MB21D2: variants seen among roughly 807,000 people sequenced by gnomAD.
The protein encoded by MB21D2 is Mab-21 domain containing 2.
In MB21D2, 9 loss-of-function variants were observed where a neutral mutation model predicts 33.3. The ratio of observed to expected loss-of-function variants is 0.27; its 90% CI spans 0.16 to 0.47. MB21D2 has a LOEUF of 0.47. Among genes scored for constraint, MB21D2 ranks in the 20% least tolerant of loss-of-function variants. MB21D2 has a pLI of 0.99. For synonymous variants in MB21D2, 241 were observed against 236.3 expected (o/e 1.02, Z -0.18); for missense variants, 540 against 624.6 (o/e 0.86, Z 1.44).
chr3:192,903,649 C>T (rs1714147793), intron 1 of MB21D2, among the ~76,000 whole-genome samples: 1 of 152,158 alleles, frequency 6.6e-6, no homozygotes, highest in African/African-American at 2.4e-5. Flanking sequence ...TGGATATTTG[C>T]TCTCCCAACA....
chr3:192,874,877 A>G (rs967679474), intron 1 of MB21D2, among the ~76,000 whole-genome samples: 1 of 152,154 alleles, frequency 6.6e-6, no homozygotes, highest in Non-Finnish European at 1.5e-5. Flanking sequence ...CCGTTCTACC[A>G]AATGATCCTC....
At chr3:192,916,687 A>G (rs1382346214) in intron 1 of MB21D2, among the ~76,000 whole-genome samples, 1 of 152,184 alleles carries the variant, frequency 6.6e-6, no homozygotes, top group East Asian at 1.9e-4. Flanking sequence ...ACGGCAGGAC[A>G]CCTGGGGAGG....
intron 1 of MB21D2, among the ~76,000 whole-genome samples, chr3:192,839,478 T>A (rs1412691609): frequency 6.6e-6 from 1 of 152,344 alleles, no homozygotes; most frequent in East Asian, 1.9e-4. Flanking sequence ...GCAACTCATC[T>A]TGAAGACTTA....
chr3:192,906,170 G>A (rs1252282366), intron 1 of MB21D2, among the ~76,000 whole-genome samples: 1 of 152,120 alleles, frequency 6.6e-6, no homozygotes, highest in African/African-American at 2.4e-5. Flanking sequence ...ACTGTTTCTG[G>A]CCTAGGACTA....
intron 1 of MB21D2, among the ~76,000 whole-genome samples, chr3:192,872,055 C>T (rs1409170247): frequency 6.6e-6 from 1 of 152,202 alleles, no homozygotes; most frequent in East Asian, 1.9e-4. Context: ...CCAAGTTTGT[C>T]TCTCATAAAA....
chr3:192,812,989 G>A (rs1028657994), intron 1 of MB21D2, among the ~76,000 whole-genome samples: 8 of 152,138 alleles, frequency 5.3e-5, no homozygotes, highest in South Asian at 4.1e-4. Context: ...GGGCTTGGAC[G>A]TCTTACAATC....
At chr3:192,888,086 A>G (rs1713773810) in intron 1 of MB21D2, among the ~76,000 whole-genome samples, 1 of 152,086 alleles carries the variant, frequency 6.6e-6, no homozygotes, top group African/African-American at 2.4e-5. Context: ...CGTTCTGGGA[A>G]AAAGTCTCCC....
chr3:192,822,055 G>A (rs1284504037), intron 1 of MB21D2, among the ~76,000 whole-genome samples: 1 of 152,212 alleles, frequency 6.6e-6, no homozygotes, highest in Middle Eastern at 3.4e-3. Context: ...GGAAATACGT[G>A]ATCTGATTCT....
At chr3:192,840,415 C>CTTTTTTTTTTTTTTTT (rs71177380) in intron 1 of MB21D2, among the ~76,000 whole-genome samples, 195 of 88,280 alleles carry the variant, frequency 2.2e-3, no homozygotes, top group Non-Finnish European at 2.9e-3. Context: ...TCTCTTTTTT[C>CTTTTTTTTTTTTTTTT]TTTTTTTTTT....
intron 1 of MB21D2, among the ~76,000 whole-genome samples, chr3:192,901,510 G>T (rs933507040): frequency 1.3e-5 from 2 of 150,996 alleles, no homozygotes; most frequent in Non-Finnish European, 2.9e-5. Flanking sequence ...CCATTCCTCT[G>T]CATCATGAGC....
intron 1 of MB21D2, among the ~76,000 whole-genome samples, chr3:192,862,915 C>G (rs1366525142): frequency 2.0e-5 from 3 of 152,128 alleles, no homozygotes; most frequent in Non-Finnish European, 4.4e-5. Context: ...AAAATGGTGC[C>G]CTGTTGCTGC....
At chr3:192,820,659 C>T (rs1166630288) in intron 1 of MB21D2, among the ~76,000 whole-genome samples, 3 of 152,270 alleles carry the variant, frequency 2.0e-5, no homozygotes, top group African/African-American at 7.2e-5. Flanking sequence ...CGGGCTCTCT[C>T]TGCAAAGGCC....
At chr3:192,858,146 CA>C (rs1315552968) in intron 1 of MB21D2, among the ~76,000 whole-genome samples, 6 of 151,964 alleles carry the variant, frequency 3.9e-5, no homozygotes, top group Non-Finnish European at 1.5e-5. Context: ...ACAAAACAAA[CA>C]AACAAAAAAG....
At chr3:192,892,324 C>T (rs1713868718) in intron 1 of MB21D2, among the ~76,000 whole-genome samples, 1 of 152,200 alleles carries the variant, frequency 6.6e-6, no homozygotes, top group Admixed American at 6.5e-5. Flanking sequence ...GACACTGGGT[C>T]TTTGAATTAA....
chr3:192,878,085 TTTTTTTTTTTTTTTTTGG>T lies in MB21D2; in HGVS notation c.211+39527_211+39544del, dbSNP rs1424052638. On this transcript the variant is annotated intron_variant, in intron 1 of 1. Transcript: ENST00000392452. ...CATCTTCAAACAATTCCTCCTCTTT[TTTTTTTTTTTTTTTTTGG>T]TTTTTTTTGTTTTTGAGACGGAGTC... 3.6e-5 allele frequency among the ~76,000 whole-genome samples: 5 copies of T among 137,180 alleles called. No homozygotes were observed. The East Asian group carries it at 1.1e-3, about 30-fold the overall frequency. 90.0% of individuals were successfully genotyped at this position (137,180 alleles called of 152,430 possible). A position where few individuals can be genotyped will look rare whatever the true frequency, so the allele number is the denominator to read the frequency against.
intron 1 of MB21D2, among the ~76,000 whole-genome samples, chr3:192,872,987 A>T (rs1191120077): frequency 7.3e-6 from 1 of 136,236 alleles, no homozygotes; most frequent in East Asian, 2.3e-4. Flanking sequence ...CACTAAACAT[A>T]AAATTCACAA....
chr3:192,899,577 G>A lies in MB21D2; in HGVS notation c.211+18053C>T, dbSNP rs561557184. ...TGGGATGCCCATAATGGGTTCAGGC[G>A]TACTTAAAGGATGACTCAGCATGGA... On this transcript the variant is annotated intron_variant, in intron 1 of 1. Transcript: ENST00000392452. Among the ~76,000 whole-genome samples the A allele has an allele frequency of 2.4e-4, 37 of 152,220 alleles. No homozygotes were observed. The South Asian group carries it at 3.9e-3, about 16-fold the overall frequency.
At chr3:192,872,403 C>T (rs912151036) in intron 1 of MB21D2, among the ~76,000 whole-genome samples, 3 of 151,884 alleles carry the variant, frequency 2.0e-5, no homozygotes, top group African/African-American at 4.8e-5. Flanking sequence ...GGTGAAAACC[C>T]GTCTCTACTA....
intron 1 of MB21D2, among the ~76,000 whole-genome samples, chr3:192,849,628 CTTTAT>C (rs1712756135): frequency 6.6e-6 from 1 of 152,146 alleles, no homozygotes; most frequent in Admixed American, 6.5e-5. Context: ...CACCGTCTTA[CTTTAT>C]TTAATATTTC....
Sources: allele counts gnomAD v4.1 joint callset (sites outside exome capture counted in the v4.1 genomes callset), GRCh38; gene constraint gnomAD v4.1.1; transcripts MANE v1.5; gene names NCBI Gene and HGNC (gene_info 2026-07-23, HGNC 2026-07-21).